Variants in LAMB4 observed in about 807,000 individuals in gnomAD.
LAMB4 encodes the protein laminin subunit beta 4.
Under a neutral mutation model 199.2 loss-of-function variants are expected in LAMB4, and 196 were observed. The ratio of observed to expected loss-of-function variants is 0.98; its 90% CI spans 0.88 to 1.11. The LOEUF (loss-of-function observed/expected upper bound fraction) is 1.11, where lower values mean the gene tolerates loss of function less well. LAMB4 is among the 50% of genes least tolerant of loss of function. The pLI is 0.00. For missense variants in LAMB4, 2,080 were observed against 2,171.2 expected, an observed-to-expected ratio of 0.96 and a Z score of 0.83; for synonymous variants, 744 against 770.6, an observed-to-expected ratio of 0.97 and a Z score of 0.57.
chr7:108,119,132 A>G (rs1213788247), intron 2 of LAMB4, among the ~76,000 whole-genome samples: 1 of 152,216 alleles, frequency 6.6e-6, no homozygotes, highest in African/African-American at 2.4e-5. Flanking sequence ...AAAAATAGTG[A>G]TAACACCAGA....
At chr7:108,086,607 G>C (rs947681230) in intron 14 of LAMB4, among the ~76,000 whole-genome samples, 6 of 152,156 alleles carry the variant, frequency 3.9e-5, no homozygotes, top group Non-Finnish European at 7.3e-5. Context: ...CCCAGAGATG[G>C]AAACAATTAT....
At chr7:108,106,636 C>CTTTT in intron 6 of LAMB4, 64 bp from the exon 7 acceptor site, 3 of 776,554 alleles carry the variant, frequency 3.9e-6, no homozygotes, top group Non-Finnish European at 6.0e-6. Flanking sequence ...CAAACACACT[C>CTTTT]TTTTTTTTTT....
In LAMB4 at chr7:108,063,769, G is replaced by A. The variant is rs754812469; in HGVS notation, c.3053C>T (p.Thr1018Ile). ...GAGTTTTGCAGACTTACTTCTGCAG[G>A]TCTGATTGAGGGCTGATCCATAGTG... is the stretch of plus-strand genomic sequence containing the variant. ...PGHYGSALNQ[T>I]CRRCSCHASG... Residue 1018 changes from threonine to isoleucine, a missense_variant, in exon 22 of 34, where the codon ACC (threonine) becomes ATC (isoleucine). By Grantham distance (89) the Thr-to-Ile change is moderately conservative (BLOSUM62 -1). Transcript: ENST00000388781. The A allele has an allele frequency of 6.2e-7, 1 of 1,613,786 alleles. No homozygotes were observed. The highest frequency in any genetic ancestry group is 2.2e-5 in the East Asian group (1 of 44,882).
At chr7:108,048,321 C>T (rs989679991) in intron 27 of LAMB4, among the ~76,000 whole-genome samples, 3 of 152,052 alleles carry the variant, frequency 2.0e-5, no homozygotes. Flanking sequence ...CCCACTACCA[C>T]GCCTGGCTAA....
intron 3 of LAMB4, among the ~76,000 whole-genome samples, chr7:108,115,682 A>C (rs118068948): frequency 6.6e-6 from 1 of 152,370 alleles, no homozygotes; most frequent in East Asian, 1.9e-4. Flanking sequence ...TAGTGTAATA[A>C]TTATTTACAT....
At chr7:108,071,550 A>C (rs1403166252) in intron 17 of LAMB4, among the ~76,000 whole-genome samples, 1 of 152,136 alleles carries the variant, frequency 6.6e-6, no homozygotes, top group Non-Finnish European at 1.5e-5. Context: ...TTCTGTGCTT[A>C]CTCTTGGTAG....
Position 108,049,470 on chromosome 7 carries a change from A to G in LAMB4, c.3978T>C (p.Asn1326=). ...AGGTATTAATGGTGGAACTAGTTTC[A>G]TTAATTTTCTTTTCAGCAGATGATG... is the stretch of plus-strand genomic sequence containing the variant. The part of the protein sequence containing the change: ...HISSSAEKKI[N]ETSSTINTSA... The change falls in exon 27 of 34, where the codon AAT becomes AAC. Residue 1326 remains asparagine, a synonymous_variant. Transcript: ENST00000388781. The G allele has an allele frequency of 2.5e-6, 4 of 1,603,556 alleles. No homozygotes were observed. Among genetic ancestry groups the G allele is most frequent in the Non-Finnish European group, 1.7e-6 (2 of 1,171,316 alleles).
At chr7:108,088,733 G>A (rs2037284152) in intron 14 of LAMB4, among the ~76,000 whole-genome samples, 1 of 152,156 alleles carries the variant, frequency 6.6e-6, no homozygotes, top group African/African-American at 2.4e-5. Context: ...GACTAGTGTA[G>A]TCTGTCCAGA....
the LAMB4 span, among the ~76,000 whole-genome samples, chr7:108,013,015 T>C: frequency 1.3e-5 from 2 of 152,230 alleles, no homozygotes; most frequent in African/African-American, 4.8e-5. Flanking sequence ...TTCTAGATTA[T>C]TCTAGAACAG....
the LAMB4 span, among the ~76,000 whole-genome samples, chr7:108,017,451 G>A: frequency 6.6e-6 from 1 of 152,070 alleles, no homozygotes; most frequent in African/African-American, 2.4e-5. Context: ...ACAAAACAGG[G>A]GACTGTCTTC....
rs2035963446 is a variant in LAMB4 at position 108,055,808 on chromosome 7, C to T, written c.3579G>A (p.Val1193=). The change falls in exon 25 of 34, where the codon GTG becomes GTA. Residue 1193 remains valine, a synonymous_variant. Transcript: ENST00000388781. Reference sequence around the variant, plus strand: ...TAGCAGCCAGTCTCATTAACCCTTGCACCGCTTTGGAGAGGGAAGAAATGG... The same window carrying T: ...TAGCAGCCAGTCTCATTAACCCTTGTACCGCTTTGGAGAGGGAAGAAATGG... ...DHTISSLSKA[V]QGLMRLAANM... The T allele has an allele frequency of 1.2e-6, 2 of 1,614,078 alleles. No homozygotes were observed. Among genetic ancestry groups the T allele is most frequent in the African/African-American group, 1.3e-5 (1 of 74,934 alleles).
Position 108,078,327 on chromosome 7 carries a change from A to G in LAMB4, c.1888-11T>C, listed in dbSNP as rs765640495. 6.6e-7 allele frequency: 1 copy of G among 1,511,700 alleles called. No individual in the cohort carries two copies. The highest frequency in any genetic ancestry group is 1.7e-5 in the Admixed American group (1 of 57,534). The allele number at this position is 1,511,700 out of a possible 1,614,324, so 93.6% of individuals were successfully genotyped here. On this transcript the variant is annotated splice_polypyrimidine_tract_variant and intron_variant, in intron 15 of 33. Coordinates refer to ENST00000388781, the MANE Select transcript of LAMB4 (RefSeq NM_007356.3). ...CCAGTCAGCTGCAGACTAGACAGGC[A>G]TGACATTAAGGCATGTCACTGCAAG...
At chr7:108,094,888 A>T (rs910649025) in intron 12 of LAMB4, among the ~76,000 whole-genome samples, 1 of 152,204 alleles carries the variant, frequency 6.6e-6, no homozygotes, top group Non-Finnish European at 1.5e-5. Flanking sequence ...GGGATAGAAG[A>T]AAGTTCTGGT....
In LAMB4 at chr7:108,109,655, T is replaced by C. The variant is rs554146216; in HGVS notation, c.329-411A>G. ...CAGTGCACCCATTTCTTCCAAGAGCTGCTATAGTCATTTGAACTAGAATTT... is the reference window on the plus strand; with the variant it reads ...CAGTGCACCCATTTCTTCCAAGAGCCGCTATAGTCATTTGAACTAGAATTT... On this transcript the variant is annotated intron_variant, in intron 4 of 33. Coordinates refer to ENST00000388781, the MANE Select transcript of LAMB4 (RefSeq NM_007356.3). 2.0e-5 allele frequency among the ~76,000 whole-genome samples: 3 copies of C among 152,348 alleles called. No homozygotes were observed. The South Asian group carries it at 6.2e-4, about 32-fold the overall frequency.
At chr7:108,019,750 T>C (rs2034650754), downstream of LAMB4, among the ~76,000 whole-genome samples, 1 of 152,162 alleles carries the variant, frequency 6.6e-6, no homozygotes, top group Non-Finnish European at 1.5e-5. Flanking sequence ...GTAGAATGGA[T>C]GTCAGACAGC....
At chr7:108,113,787 T>C (rs188871005) in intron 3 of LAMB4, among the ~76,000 whole-genome samples, 64 of 152,330 alleles carry the variant, frequency 4.2e-4, no homozygotes, top group Middle Eastern at 3.4e-3. Flanking sequence ...TAGGTCAATG[T>C]TGACTGGAAG....
chr7:108,040,537 G>T (rs2150504809), intron 29 of LAMB4, among the ~76,000 whole-genome samples: 1 of 152,246 alleles, frequency 6.6e-6, no homozygotes, highest in African/African-American at 2.4e-5. Flanking sequence ...AACCAAAACA[G>T]CATGGTGCTA....
At chr7:108,115,739 A>C (rs2038380367) in intron 3 of LAMB4, among the ~76,000 whole-genome samples, 2 of 152,232 alleles carry the variant, frequency 1.3e-5, no homozygotes, top group Non-Finnish European at 2.9e-5. Context: ...GAGATTATTT[A>C]AAGTACATGG....
chr7:108,048,275 C>T (rs936893161), intron 27 of LAMB4, among the ~76,000 whole-genome samples, 164 bp from the exon 28 acceptor site: 1 of 150,898 alleles, frequency 6.6e-6, no homozygotes, highest in Non-Finnish European at 1.5e-5. Context: ...AGAGATTCTC[C>T]TGCCTCAGCC....
Sources: gnomAD v4.1 joint callset for allele counts (sites outside exome capture counted in the v4.1 genomes callset) on GRCh38, gnomAD v4.1.1 for gene constraint, MANE v1.5 for transcripts, NCBI Gene and HGNC (gene_info 2026-07-23, HGNC 2026-07-21) for gene names.